CSTPP1: variants seen among roughly 807,000 people sequenced by gnomAD.
CSTPP1 encodes centriolar satellite-associated tubulin polyglutamylase complex regulator 1, also known as UPF0705 protein C11orf49.
chr11:47,029,333 A>C, the CSTPP1 span, among the ~76,000 whole-genome samples: 1 of 152,082 alleles, frequency 6.6e-6, no homozygotes, highest in African/African-American at 2.4e-5. Flanking sequence ...TTGGCCAGGC[A>C]TGGTGGCTCA....
the CSTPP1 span, among the ~76,000 whole-genome samples, chr11:47,014,544 A>G: frequency 6.6e-6 from 1 of 152,004 alleles, no homozygotes; most frequent in East Asian, 1.9e-4. Context: ...TCTCTACTAA[A>G]AATACAAAAT....
chr11:47,162,893 C>T, the CSTPP1 span, among the ~76,000 whole-genome samples: 1 of 152,176 alleles, frequency 6.6e-6, no homozygotes, highest in East Asian at 1.9e-4. Flanking sequence ...AGCCCCGAAG[C>T]TGCTCCAGGA....
At chr11:47,117,877 C>CTTTTTTTTTTTTT in the CSTPP1 span, among the ~76,000 whole-genome samples, 6 of 66,348 alleles carry the variant, frequency 9.0e-5, no homozygotes, top group Non-Finnish European at 1.4e-4. Context: ...TATTTCTTTT[C>CTTTTTTTTTTTTT]TTTTTTTTTT....
chr11:47,162,422 A>G, the CSTPP1 span, among the ~76,000 whole-genome samples: 17 of 152,196 alleles, frequency 1.1e-4, no homozygotes, highest in African/African-American at 3.9e-4. Flanking sequence ...TCCAGAGGAA[A>G]AGTGCTCACA....
the CSTPP1 span, among the ~76,000 whole-genome samples, chr11:47,045,457 A>T: frequency 6.6e-6 from 1 of 152,158 alleles, no homozygotes; most frequent in Non-Finnish European, 1.5e-5. Flanking sequence ...GTGAATACTT[A>T]TATGTTTCAC....
At chr11:47,060,178 G>A in the CSTPP1 span, among the ~76,000 whole-genome samples, 2 of 150,378 alleles carry the variant, frequency 1.3e-5, no homozygotes. Context: ...CAAGGCCACA[G>A]CGCTTATAAG....
At chr11:47,034,195 C>T in the CSTPP1 span, among the ~76,000 whole-genome samples, 1 of 151,924 alleles carries the variant, frequency 6.6e-6, no homozygotes, top group Non-Finnish European at 1.5e-5. Context: ...TTGATGAAAC[C>T]CAGTCCAGAA....
At chr11:46,990,668 A>G in the CSTPP1 span, among the ~76,000 whole-genome samples, 12 of 152,040 alleles carry the variant, frequency 7.9e-5, no homozygotes, top group South Asian at 1.2e-3. Flanking sequence ...TTTTGTTGCA[A>G]TTGCTTTTGG....
chr11:47,070,303 A>G, the CSTPP1 span, among the ~76,000 whole-genome samples: 21 of 152,234 alleles, frequency 1.4e-4, no homozygotes, highest in African/African-American at 4.3e-4. Flanking sequence ...AAGTATGTAA[A>G]AGCAAATATA....
At chr11:47,145,774 G>A in the CSTPP1 span, among the ~76,000 whole-genome samples, 1 of 152,170 alleles carries the variant, frequency 6.6e-6, no homozygotes, top group Non-Finnish European at 1.5e-5. Flanking sequence ...TAGGACCATA[G>A]GCACGTTCTA....
chr11:47,028,469 G>A, the CSTPP1 span, among the ~76,000 whole-genome samples: 1 of 152,102 alleles, frequency 6.6e-6, no homozygotes, highest in Non-Finnish European at 1.5e-5. Flanking sequence ...TAGAAATACT[G>A]TAGTTCTAAG....
At chr11:47,078,167 CATATT>C in the CSTPP1 span, among the ~76,000 whole-genome samples, 7 of 152,070 alleles carry the variant, frequency 4.6e-5, no homozygotes. Context: ...GCAGTATAAA[CATATT>C]ATTTAAAGAA....
the CSTPP1 span, among the ~76,000 whole-genome samples, chr11:47,162,887 C>T: frequency 6.6e-6 from 1 of 152,146 alleles, no homozygotes; most frequent in South Asian, 2.1e-4. Flanking sequence ...CATTCCAGCC[C>T]CGAAGCTGCT....
the CSTPP1 span, among the ~76,000 whole-genome samples, chr11:47,131,936 C>T: frequency 6.6e-6 from 1 of 151,836 alleles, no homozygotes; most frequent in Admixed American, 6.6e-5. Context: ...GAGATTGTGC[C>T]ACTGCACTCC....
chr11:46,988,767 A>G, the CSTPP1 span, among the ~76,000 whole-genome samples: 2 of 152,168 alleles, frequency 1.3e-5, no homozygotes, highest in African/African-American at 4.8e-5. Context: ...TGGGGTGGAT[A>G]CCCTATTCTC....
the CSTPP1 span, among the ~76,000 whole-genome samples, chr11:47,122,769 G>A: frequency 2.0e-5 from 3 of 152,134 alleles, no homozygotes; most frequent in South Asian, 4.2e-4. Flanking sequence ...TAGTAGAAAC[G>A]TGGTTTGCCA....
chr11:47,045,568 A>G, the CSTPP1 span, among the ~76,000 whole-genome samples: 173 of 152,276 alleles, frequency 1.1e-3, 2 homozygotes, highest in Non-Finnish European at 1.2e-4. Flanking sequence ...AAATCTCAAA[A>G]TTTGTCACTT....
chr11:46,981,528 TC>T, the CSTPP1 span, among the ~76,000 whole-genome samples: 18 of 152,228 alleles, frequency 1.2e-4, no homozygotes, highest in African/African-American at 4.1e-4. Flanking sequence ...AATTTAAGCT[TC>T]TTAATACTAT....
At chr11:46,962,714 C>T in the CSTPP1 span, among the ~76,000 whole-genome samples, 2 of 152,142 alleles carry the variant, frequency 1.3e-5, no homozygotes, top group African/African-American at 4.8e-5. Context: ...TTCTCTATTT[C>T]ACCTTTGAAT....
Sources: gnomAD v4.1 joint callset for allele counts (sites outside exome capture counted in the v4.1 genomes callset) on GRCh38, gnomAD v4.1.1 for gene constraint, MANE v1.5 for transcripts, NCBI Gene and HGNC (gene_info 2026-07-23, HGNC 2026-07-21) for gene names.